The following CNTN5 variants were observed in gnomAD, a reference collection of about 807,000 sequenced individuals.
CNTN5 encodes the protein contactin 5.
Under a neutral mutation model 129.1 loss-of-function variants are expected in CNTN5, and 77 were observed. The ratio of observed to expected loss-of-function variants is 0.60; its 90% CI spans 0.50 to 0.72. CNTN5 has a LOEUF of 0.72. Ranked by LOEUF, CNTN5 falls within the 30% of genes least tolerant of loss-of-function variation. The pLI is 0.00. For synonymous variants in CNTN5, 509 were observed against 465.6 expected (o/e 1.09, Z -1.20); for missense variants, 1,478 against 1,328.8 (o/e 1.11, Z -1.75).
rs147193192 is a variant in CNTN5 at position 99,742,596 on chromosome 11, A to G, written c.56-76948A>G. ...TTCTGTCATTTATAGCTTTGTTTTTAAAAGCAAGTCAGATGGTTTAATATT... is the reference window on the plus strand; with the variant it reads ...TTCTGTCATTTATAGCTTTGTTTTTGAAAGCAAGTCAGATGGTTTAATATT... On this transcript the variant is annotated intron_variant, in intron 3 of 24. Transcript: ENST00000524871. Among the ~76,000 whole-genome samples the G allele has an allele frequency of 2.0e-5, 3 of 152,274 alleles. No homozygotes were observed. In the East Asian group the frequency reaches 5.8e-4, roughly 29 times the overall value.
At chr11:100,008,517 T>G (rs1232062916) in intron 9 of CNTN5, among the ~76,000 whole-genome samples, 1 of 152,106 alleles carries the variant, frequency 6.6e-6, no homozygotes, top group Non-Finnish European at 1.5e-5. Flanking sequence ...GAAAGCCAAC[T>G]ATGTTCTAGG....
At chr11:99,885,427 G>C (rs1305361034) in intron 6 of CNTN5, among the ~76,000 whole-genome samples, 1 of 152,082 alleles carries the variant, frequency 6.6e-6, no homozygotes, top group African/African-American at 2.4e-5. Context: ...TCCTCAAAGT[G>C]ATGAACAAAA....
chr11:100,156,212 G>A (rs1414419886), intron 13 of CNTN5, among the ~76,000 whole-genome samples: 1 of 152,112 alleles, frequency 6.6e-6, no homozygotes, highest in East Asian at 1.9e-4. Context: ...TTAGCATGAA[G>A]CGGTGTTGAA....
rs565365371 is a variant in CNTN5, at chr11:100,175,760, A to C, written c.1581-15366A>C. Among the ~76,000 whole-genome samples the C allele has an allele frequency of 5.4e-4, 82 of 152,242 alleles. 1 individual carries two copies. The highest frequency in any genetic ancestry group is 1.9e-3 in the African/African-American group (80 of 41,560). ...AAATGAGACCAATAATACTCAACTC[A>C]CACAGTGGTTAGAAGCATTACATGA... On this transcript the variant is annotated intron_variant, in intron 13 of 24. Coordinates refer to ENST00000524871, the MANE Select transcript of CNTN5 (RefSeq NM_014361.4).
At chr11:99,689,328 C>A (rs577906586) in intron 3 of CNTN5, among the ~76,000 whole-genome samples, 1 of 151,810 alleles carries the variant, frequency 6.6e-6, no homozygotes, top group Non-Finnish European at 1.5e-5. Flanking sequence ...GAGATCGAGA[C>A]CATCCTGGCT....
chr11:100,194,151 T>C (rs191740741), intron 15 of CNTN5, among the ~76,000 whole-genome samples: 86 of 152,120 alleles, frequency 5.7e-4, no homozygotes, highest in Non-Finnish European at 1.0e-4. Context: ...GATATACTCA[T>C]TTCTGCCATT....
intron 3 of CNTN5, among the ~76,000 whole-genome samples, chr11:99,738,431 C>A (rs931212736): frequency 1.3e-5 from 2 of 152,058 alleles, no homozygotes; most frequent in African/African-American, 4.8e-5. Context: ...TGGTATTTGG[C>A]TATAGTAGCT....
At chr11:99,766,537 A>G (rs1944761895) in intron 3 of CNTN5, among the ~76,000 whole-genome samples, 1 of 152,082 alleles carries the variant, frequency 6.6e-6, no homozygotes, top group African/African-American at 2.4e-5. Context: ...ACTAATATAA[A>G]GTTCTAAAAG....
chr11:99,326,749 A>C (rs1865802933), intron 2 of CNTN5, among the ~76,000 whole-genome samples: 1 of 152,200 alleles, frequency 6.6e-6, no homozygotes, highest in African/African-American at 2.4e-5. Context: ...AAAAAATTTA[A>C]AGACAAAGTA....
chr11:99,042,365 C>CTTTTTTTTTTTTT (rs1210153589), intron 1 of CNTN5, among the ~76,000 whole-genome samples: 6 of 83,790 alleles, frequency 7.2e-5, no homozygotes, highest in Non-Finnish European at 8.9e-5. Context: ...TCTTCTTCTT[C>CTTTTTTTTTTTTT]TTTTTTTTTT....
intron 3 of CNTN5, among the ~76,000 whole-genome samples, chr11:99,647,145 A>G (rs1951994992): frequency 6.6e-6 from 1 of 152,064 alleles, no homozygotes; most frequent in Admixed American, 6.6e-5. Flanking sequence ...GTTTTCTTCT[A>G]GTAGTTTTAT....
intron 13 of CNTN5, among the ~76,000 whole-genome samples, chr11:100,101,955 A>G (rs6590592): frequency 0.69 from 104,782 of 152,042 alleles, 37,330 homozygotes; most frequent in East Asian, 0.96. Flanking sequence ...AACCTACCAT[A>G]TTTTCTTTGT....
chr11:99,659,445 T>C (rs963537689), intron 3 of CNTN5, among the ~76,000 whole-genome samples: 9 of 152,168 alleles, frequency 5.9e-5, no homozygotes, highest in African/African-American at 1.9e-4. Flanking sequence ...TTAATTAATA[T>C]AAATACACTG....
intron 1 of CNTN5, among the ~76,000 whole-genome samples, chr11:99,297,836 A>G (rs1403411855): frequency 1.3e-5 from 2 of 152,158 alleles, no homozygotes; most frequent in Non-Finnish European, 2.9e-5. Flanking sequence ...AACCCCTGCA[A>G]TATTAGCGCT....
chr11:100,098,411 A>G lies in CNTN5; in HGVS notation c.1580+24117A>G, dbSNP rs1945092522. On this transcript the variant is annotated intron_variant, in intron 13 of 24. Coordinates refer to ENST00000524871, the MANE Select transcript of CNTN5 (RefSeq NM_014361.4). The stretch of plus-strand genomic sequence containing the variant: ...TTCCCAGGATATGATAATTTCAATA[A>G]TAAGAAAGCCCTCTTTTGACTAGGA... Among the ~76,000 whole-genome samples the G allele has an allele frequency of 2.6e-5, 4 of 152,048 alleles. No individual in the cohort carries two copies. The South Asian group carries it at 8.3e-4, about 31-fold the overall frequency.
At chr11:99,551,190 A>G (rs1237538261) in intron 2 of CNTN5, among the ~76,000 whole-genome samples, 1 of 152,202 alleles carries the variant, frequency 6.6e-6, no homozygotes, top group African/African-American at 2.4e-5. Context: ...TTTTTCCACC[A>G]GAATCTTTAT....
Position 99,159,319 on chromosome 11 carries a change from C to A in CNTN5, c.-210+138049C>A. ...AAAGGGGCAGGCAACATATCTAATA[C>A]AATATTTAAAGTATAGTAATCTGCC... On this transcript the variant is annotated intron_variant, in intron 1 of 24. Transcript: ENST00000524871. Among the ~76,000 whole-genome samples the A allele has an allele frequency of 1.3e-5, 2 of 152,154 alleles. 1 individual carries two copies. The highest frequency in any genetic ancestry group is 4.1e-4 in the South Asian group (2 of 4,832).
intron 2 of CNTN5, among the ~76,000 whole-genome samples, chr11:99,516,121 G>A (rs940255893): frequency 9.3e-6 from 1 of 107,384 alleles, no homozygotes; most frequent in Non-Finnish European, 1.9e-5. Flanking sequence ...AGAATAAAGA[G>A]AAGGTGCTAA....
chr11:99,572,760 G>T (rs59729057), intron 3 of CNTN5, among the ~76,000 whole-genome samples: 2,014 of 30,170 alleles, frequency 0.067, 39 homozygotes, highest in African/African-American at 0.12. Flanking sequence ...ATAATTGAGG[G>T]TTTTTTTTAA....
Sources: gnomAD v4.1 joint callset for allele counts (sites outside exome capture counted in the v4.1 genomes callset) on GRCh38, gnomAD v4.1.1 for gene constraint, MANE v1.5 for transcripts, NCBI Gene and HGNC (gene_info 2026-07-23, HGNC 2026-07-21) for gene names.